The following CDH18 variants were observed in gnomAD, a reference collection of about 807,000 sequenced individuals.
The protein encoded by CDH18 is cadherin 18.
Under a neutral mutation model 67.9 loss-of-function variants are expected in CDH18, and 31 were observed. The ratio of observed to expected loss-of-function variants is 0.46; its 90% CI spans 0.34 to 0.62. CDH18 has a LOEUF of 0.62. CDH18 is among the 20% of genes least tolerant of loss of function. CDH18 has a pLI of 0.01. For synonymous variants in CDH18, 362 were observed against 347.2 expected (o/e 1.04, Z -0.48); for missense variants, 890 against 975.5 (o/e 0.91, Z 1.17).
intron 2 of CDH18, among the ~76,000 whole-genome samples, chr5:20,162,311 A>C (rs1432616026): frequency 1.3e-5 from 2 of 151,354 alleles, no homozygotes; most frequent in Admixed American, 6.6e-5. Flanking sequence ...TCTCTTTTTA[A>C]TTTTACGAAG....
chr5:19,782,175 G>A (rs1451961996), intron 3 of CDH18, among the ~76,000 whole-genome samples: 1 of 152,112 alleles, frequency 6.6e-6, no homozygotes, highest in Non-Finnish European at 1.5e-5. Context: ...CCACATGTCT[G>A]GGGAGGCCTC....
At chr5:20,386,713 G>T (rs1172228999) in intron 1 of CDH18, among the ~76,000 whole-genome samples, 1 of 151,940 alleles carries the variant, frequency 6.6e-6, no homozygotes, top group Non-Finnish European at 1.5e-5. Flanking sequence ...ATAATAATTT[G>T]ATATTATAAC....
At chr5:19,852,573 T>TCTAAGAC (rs1783831017) in intron 2 of CDH18, among the ~76,000 whole-genome samples, 1 of 151,998 alleles carries the variant, frequency 6.6e-6, no homozygotes, top group African/African-American at 2.4e-5. Context: ...GTTCAATAGC[T>TCTAAGAC]TTATTGAAAC....
chr5:20,030,149 A>G (rs537715878), intron 2 of CDH18, among the ~76,000 whole-genome samples: 4 of 152,294 alleles, frequency 2.6e-5, no homozygotes, highest in African/African-American at 7.2e-5. Flanking sequence ...TACTCTGTCA[A>G]TGGCTGAGGG....
chr5:20,211,936 G>A (rs1009783931), intron 2 of CDH18, among the ~76,000 whole-genome samples: 2 of 152,144 alleles, frequency 1.3e-5, no homozygotes, highest in Non-Finnish European at 2.9e-5. Flanking sequence ...TGACTTTGAC[G>A]AGTTGACAAA....
chr5:20,342,007 G>A (rs1267151672), intron 1 of CDH18, among the ~76,000 whole-genome samples: 13 of 152,096 alleles, frequency 8.5e-5, no homozygotes, highest in East Asian at 7.7e-4. Context: ...CTGTCTCCTC[G>A]CTTCAGAAGC....
chr5:19,639,501 T>G (rs1490787459), intron 5 of CDH18, among the ~76,000 whole-genome samples: 2 of 152,164 alleles, frequency 1.3e-5, no homozygotes, highest in Non-Finnish European at 2.9e-5. Flanking sequence ...CCCCTGCATC[T>G]TTTGAGAAAA....
At chr5:20,353,755 C>A (rs970532795) in intron 1 of CDH18, among the ~76,000 whole-genome samples, 1 of 152,198 alleles carries the variant, frequency 6.6e-6, no homozygotes, top group African/African-American at 2.4e-5. Flanking sequence ...TATTTCCCAG[C>A]TCTTCAAAGC....
intron 2 of CDH18, among the ~76,000 whole-genome samples, chr5:20,032,470 T>C (rs1288694927): frequency 1.3e-5 from 2 of 152,028 alleles, no homozygotes; most frequent in Non-Finnish European, 2.9e-5. Context: ...ATAATATATA[T>C]GAAATCAAGA....
chr5:19,722,561 TATATA>T (rs144982605), intron 4 of CDH18, among the ~76,000 whole-genome samples: 1,876 of 151,434 alleles, frequency 0.012, 34 homozygotes, highest in Non-Finnish European at 0.014. Flanking sequence ...TAGATACACC[TATATA>T]ATATTTCAAT....
chr5:19,757,685 C>T (rs867491022), intron 3 of CDH18, among the ~76,000 whole-genome samples: 38 of 152,284 alleles, frequency 2.5e-4, no homozygotes, highest in Admixed American at 7.8e-4. Context: ...GAGGTCCACC[C>T]ACATAACTCT....
chr5:19,647,968 G>T (rs551707287), intron 5 of CDH18, among the ~76,000 whole-genome samples: 1 of 152,226 alleles, frequency 6.6e-6, no homozygotes, highest in African/African-American at 2.4e-5. Context: ...CTTGAAAATA[G>T]AGCTATGTAG....
chr5:20,191,182 T>C (rs1043774574), intron 2 of CDH18, among the ~76,000 whole-genome samples: 1 of 152,176 alleles, frequency 6.6e-6, no homozygotes, highest in Admixed American at 6.5e-5. Context: ...AGAAAAAGTT[T>C]GATATACCTG....
intron 2 of CDH18, among the ~76,000 whole-genome samples, chr5:20,162,277 C>G (rs1411568497): frequency 1.3e-5 from 2 of 151,748 alleles, no homozygotes; most frequent in Non-Finnish European, 2.9e-5. Context: ...TGCCAGGTCA[C>G]TAAAGCAATC....
At position 19,834,523 on chromosome 5, in the gene CDH18, T is replaced by A. The variant is rs181194578; in HGVS notation, c.228+4236A>T. ...GGAGGGTTTTCATGCCCCTATCTCC[T>A]TCAGTTCTTCTCTGATCTTAGTTAT... On this transcript the variant is annotated intron_variant, in intron 3 of 12. Coordinates refer to ENST00000382275, the MANE Select transcript of CDH18 (RefSeq NM_004934.5). 3.1e-3 allele frequency among the ~76,000 whole-genome samples: 465 copies of A among 152,234 alleles called. 1 individual carries two copies. The highest frequency in any genetic ancestry group is 0.011 in the African/African-American group (442 of 41,544).
At chr5:20,370,561 T>C (rs1742896816) in intron 1 of CDH18, among the ~76,000 whole-genome samples, 1 of 152,142 alleles carries the variant, frequency 6.6e-6, no homozygotes, top group Non-Finnish European at 1.5e-5. Flanking sequence ...ATCTACTAGG[T>C]GCTGCCCTAT....
chr5:20,059,369 T>G (rs1252448702), intron 2 of CDH18, among the ~76,000 whole-genome samples: 3 of 152,128 alleles, frequency 2.0e-5, no homozygotes, highest in Non-Finnish European at 4.4e-5. Context: ...TCTTGTGCTA[T>G]CCTTTGAATT....
intron 1 of CDH18, among the ~76,000 whole-genome samples, chr5:20,283,201 A>G (rs182434207): frequency 6.6e-6 from 1 of 152,256 alleles, no homozygotes; most frequent in Admixed American, 6.6e-5. Flanking sequence ...GACTGGGTAG[A>G]TTTATTGAGT....
intron 2 of CDH18, among the ~76,000 whole-genome samples, chr5:20,130,390 T>C (rs1340038319): frequency 9.4e-6 from 1 of 106,246 alleles, no homozygotes; most frequent in Non-Finnish European, 2.0e-5. Flanking sequence ...GGTAGAGTTC[T>C]CTCTTCCTTA....
Sources: gnomAD v4.1 joint callset for allele counts (sites outside exome capture counted in the v4.1 genomes callset) on GRCh38, gnomAD v4.1.1 for gene constraint, MANE v1.5 for transcripts, NCBI Gene and HGNC (gene_info 2026-07-23, HGNC 2026-07-21) for gene names.